Variants in TMEM88 observed in about 807,000 individuals in gnomAD.
TMEM88 encodes transmembrane protein 88.
TMEM88 carries 8 observed loss-of-function variants against 10.0 expected under a neutral mutation model. That is an observed-to-expected ratio of 0.80 (90% CI 0.47 to 1.44). The LOEUF is 1.44. Among genes scored for constraint, TMEM88 ranks in the 40% most tolerant of loss-of-function variants. TMEM88 has a pLI of 0.00. For synonymous variants in TMEM88, 139 were observed against 104.9 expected, an observed-to-expected ratio of 1.33 and a Z score of -1.99; for missense variants, 255 against 217.8, an observed-to-expected ratio of 1.17 and a Z score of -1.07.
Position 7,855,254 on chromosome 17 carries a change from G to T in TMEM88, c.180G>T (p.Met60Ile). The T allele has an allele frequency of 6.2e-7, 1 of 1,602,336 alleles. No individual in the cohort carries two copies. The highest frequency in any genetic ancestry group is 8.5e-7 in the Non-Finnish European group (1 of 1,175,144). ...CCATCTTGCTACCCGCTGTCACCAT[G>T]CTGGGCTTCGGCTTCCTCTGCCACT... ...LGTILLPAVT[M>I]LGFGFLCHSQ... Residue 60 changes from methionine to isoleucine, a missense_variant, in exon 1 of 2, where the codon ATG (methionine) becomes ATT (isoleucine). Transcript: ENST00000301599.
At position 7,855,448 on chromosome 17, in the gene TMEM88, C is replaced by T; in HGVS notation, c.214C>T (p.Leu72=). The T allele has an allele frequency of 6.2e-7, 1 of 1,603,696 alleles. No individual in the cohort carries two copies. Among genetic ancestry groups the T allele is most frequent in the Non-Finnish European group, 8.5e-7 (1 of 1,179,474 alleles). ...GFGFLCHSQF[L]RSQAPPCTAH... ...CCTGACGCCTCTTCTCCCACAGTTC[C>T]TGCGCTCCCAGGCACCCCCTTGCAC... The change falls in exon 2 of 2, where the codon CTG becomes TTG. Residue 72 remains leucine, a synonymous_variant. Transcript: ENST00000301599.
In TMEM88 at chr17:7,855,671, C is replaced by T; in HGVS notation, c.437C>T (p.Pro146Leu). The part of the protein sequence containing the change: ...APQPRQIRAS[P>L]GSQAVPTSGK... ...CAGCCGCGGCAAATCCGGGCCTCACCAGGGTCCCAGGCCGTTCCCACATCA... is the reference window on the plus strand; with the variant it reads ...CAGCCGCGGCAAATCCGGGCCTCACTAGGGTCCCAGGCCGTTCCCACATCA... The change falls in exon 2 of 2, where the codon CCA (proline) becomes CTA (leucine). Residue 146 changes from proline to leucine, a missense_variant. Physicochemically the swap from Pro to Leu is moderately conservative, Grantham distance 98. Transcript: ENST00000301599. 6.2e-7 allele frequency: 1 copy of T among 1,602,870 alleles called. No homozygotes were observed. Among genetic ancestry groups the T allele is most frequent in the Non-Finnish European group, 8.5e-7 (1 of 1,175,606 alleles).
Position 7,855,680 on chromosome 17 carries a change from A to G in TMEM88, c.446A>G (p.Gln149Arg). The change falls in exon 2 of 2, where the codon CAG becomes CGG. Residue 149 changes from glutamine to arginine, a missense_variant. By Grantham distance (43) the Gln-to-Arg change is conservative. Coordinates refer to ENST00000301599, the MANE Select transcript of TMEM88 (RefSeq NM_203411.2). ...PRQIRASPGS[Q>R]AVPTSGKVWV Reference sequence around the variant, plus strand: ...CAAATCCGGGCCTCACCAGGGTCCCAGGCCGTTCCCACATCAGGAAAGGTC... The same window carrying G: ...CAAATCCGGGCCTCACCAGGGTCCCGGGCCGTTCCCACATCAGGAAAGGTC... 1 of 1,597,312 alleles carries G rather than the reference A, an allele frequency of 6.3e-7. No homozygotes were observed.
rs1279413272 is a variant in TMEM88, at chr17:7,855,876, A to C, written c.*162A>C. 1.4e-6 allele frequency: 2 copies of C among 1,398,244 alleles called. No homozygotes were observed. The highest frequency in any genetic ancestry group is 1.9e-6 in the Non-Finnish European group (2 of 1,079,522). The allele number at this position is 1,398,244 out of a possible 1,614,324, so 86.6% of individuals were successfully genotyped here. ...AGCGTCAGTGGACCCAGTGCTGAGA[A>C]AAGCCCCCACATCCCGGAAAACCCA... On this transcript the variant is annotated 3_prime_UTR_variant, in exon 2 of 2. Coordinates refer to ENST00000301599, the MANE Select transcript of TMEM88 (RefSeq NM_203411.2).
In TMEM88 at chr17:7,855,617, G is replaced by A. The variant is rs777709892; in HGVS notation, c.383G>A (p.Arg128Gln). 38 of 1,609,074 alleles carry A rather than the reference G, an allele frequency of 2.4e-5. No homozygotes were observed. The highest frequency in any genetic ancestry group is 3.1e-5 in the Non-Finnish European group (37 of 1,179,826). The change falls in exon 2 of 2, where the codon CGA (arginine) becomes CAA (glutamine). Residue 128 changes from arginine to glutamine, a missense_variant. Arg to Gln is a conservative substitution (Grantham distance 43, BLOSUM62 1). Coordinates refer to ENST00000301599, the MANE Select transcript of TMEM88 (RefSeq NM_203411.2). Reference sequence around the variant, plus strand: ...GCCGATTGCCTCGTGCCCTACAGCCGAGCCCTTTATCGGCGTCGGCGCGCC... The same window carrying A: ...GCCGATTGCCTCGTGCCCTACAGCCAAGCCCTTTATCGGCGTCGGCGCGCC... ...RLADCLVPYSRALYRRRRAPQ... is the reference protein window; with the variant it reads ...RLADCLVPYSQALYRRRRAPQ...
chr17:7,855,887 A>G lies in TMEM88; in HGVS notation c.*173A>G, dbSNP rs1225779175. ...ACCCAGTGCTGAGAAAAGCCCCCAC[A>G]TCCCGGAAAACCCACTTTCCTTTCA... On this transcript the variant is annotated 3_prime_UTR_variant, in exon 2 of 2. Coordinates refer to ENST00000301599, the MANE Select transcript of TMEM88 (RefSeq NM_203411.2). 34 of 1,390,660 alleles carry G rather than the reference A, an allele frequency of 2.4e-5. No individual in the cohort carries two copies. The highest frequency in any genetic ancestry group is 3.1e-5 in the Non-Finnish European group (33 of 1,075,710). The allele number at this position is 1,390,660 out of a possible 1,614,324, so 86.1% of individuals were successfully genotyped here.
In TMEM88 at chr17:7,855,553, C is replaced by T; in HGVS notation, c.319C>T (p.Leu107=). The T allele has an allele frequency of 1.2e-6, 2 of 1,608,500 alleles. No individual in the cohort carries two copies. Among genetic ancestry groups the T allele is most frequent in the Non-Finnish European group, 1.7e-6 (2 of 1,179,882 alleles). ...LLLVPLLVLA[L]ASYRRLCLRL... is the part of the protein sequence containing the mutation. ...CCTCGTGCCGCTGCTCGTGCTTGCTCTGGCCAGCTACCGCCGCCTCTGCCT... is the reference window on the plus strand; with the variant it reads ...CCTCGTGCCGCTGCTCGTGCTTGCTTTGGCCAGCTACCGCCGCCTCTGCCT... The change falls in exon 2 of 2, where the codon CTG becomes TTG. Residue 107 remains leucine (L), a synonymous_variant. Transcript: ENST00000301599.
rs2078804037 is a variant in TMEM88, at chr17:7,855,972, C to T, written c.*258C>T. The T allele has an allele frequency of 5.4e-6, 7 of 1,288,074 alleles. No homozygotes were observed. The highest frequency in any genetic ancestry group is 5.9e-6 in the Non-Finnish European group (6 of 1,018,462). The allele number at this position is 1,288,074 out of a possible 1,614,324, so 79.8% of individuals were successfully genotyped here. ...AACCTGCACACCTCCCCCTCAGCTC[C>T]GTCGTGAATGGGACAACAATCTCGT... On this transcript the variant is annotated 3_prime_UTR_variant, in exon 2 of 2. Transcript: ENST00000301599.
In TMEM88 at chr17:7,855,725, G is replaced by A; in HGVS notation, c.*11G>A. 1.3e-6 allele frequency: 2 copies of A among 1,531,446 alleles called. No homozygotes were observed. Among genetic ancestry groups the A allele is most frequent in the South Asian group, 1.2e-5 (1 of 82,380 alleles). The allele number at this position is 1,531,446 out of a possible 1,614,324, so 94.9% of individuals were successfully genotyped here. On this transcript the variant is annotated 3_prime_UTR_variant, in exon 2 of 2. Transcript: ENST00000301599. ...AAGGTCTGGGTCTAATGACCCTCGA[G>A]TCAAGAACAACCCTGACGGCTGCCC...
chr17:7,855,442 C>T lies in TMEM88; in HGVS notation c.211-3C>T, dbSNP rs768787417. 1.9e-6 allele frequency: 3 copies of T among 1,602,704 alleles called. No homozygotes were observed. Among genetic ancestry groups the T allele is most frequent in the South Asian group, 2.2e-5 (2 of 90,986 alleles). On this transcript the variant is annotated splice_region_variant and splice_polypyrimidine_tract_variant and intron_variant, in intron 1 of 1. Coordinates refer to ENST00000301599, the MANE Select transcript of TMEM88 (RefSeq NM_203411.2). ...CTTGGGCCTGACGCCTCTTCTCCCA[C>T]AGTTCCTGCGCTCCCAGGCACCCCC...
chr17:7,855,375 G>A (rs947738488), intron 1 of TMEM88, 70 bp from the exon 2 acceptor site: 19 of 1,591,002 alleles, frequency 1.2e-5, no homozygotes, highest in Non-Finnish European at 1.4e-5. Flanking sequence ...ACTTCAACCC[G>A]CCTGGGCTGT....
At position 7,855,295 on chromosome 17, in the gene TMEM88, G is replaced by T. The variant is rs375966206; in HGVS notation, c.210+11G>T. On this transcript the variant is annotated intron_variant, in intron 1 of 1. Coordinates refer to ENST00000301599, the MANE Select transcript of TMEM88 (RefSeq NM_203411.2). ...CTCTGCCACTCTCAGGTGAGCGTGC[G>T]CCCCGGGGTGTGCGTGTGAGTGTGA... 6.3e-7 allele frequency: 1 copy of T among 1,589,968 alleles called. No individual in the cohort carries two copies. The highest frequency in any genetic ancestry group is 2.3e-5 in the East Asian group (1 of 44,114).
Position 7,855,477 on chromosome 17 carries a change from G to C in TMEM88, c.243G>C (p.Ala81=). The C allele has an allele frequency of 1.2e-6, 2 of 1,606,942 alleles. No homozygotes were observed. Among genetic ancestry groups the C allele is most frequent in the Middle Eastern group, 1.7e-4 (1 of 6,058 alleles). ...FLRSQAPPCT[A]HLRDPGFTAL... is the part of the protein sequence containing the mutation. ...GCTCCCAGGCACCCCCTTGCACCGC[G>C]CACCTGCGGGACCCCGGTTTCACGG... The change falls in exon 2 of 2, where the codon GCG becomes GCC. Residue 81 remains alanine (A), a synonymous_variant. Coordinates refer to ENST00000301599, the MANE Select transcript of TMEM88 (RefSeq NM_203411.2).
At position 7,855,615 on chromosome 17, in the gene TMEM88, C is replaced by G; in HGVS notation, c.381C>G (p.Ser127Arg). Residue 127 changes from serine to arginine, a missense_variant, in exon 2 of 2, where the codon AGC (serine) becomes AGG (arginine). Transcript: ENST00000301599. ...LRLADCLVPY[S>R]RALYRRRRAP... ...TAGCCGATTGCCTCGTGCCCTACAG[C>G]CGAGCCCTTTATCGGCGTCGGCGCG... is the stretch of plus-strand genomic sequence containing the variant. 6.2e-7 allele frequency: 1 copy of G among 1,608,850 alleles called. No homozygotes were observed.
chr17:7,855,456 C>T lies in TMEM88; in HGVS notation c.222C>T (p.Ser74=), dbSNP rs1293900163. The change falls in exon 2 of 2, where the codon TCC becomes TCT. Residue 74 remains serine (S), a synonymous_variant. Coordinates refer to ENST00000301599, the MANE Select transcript of TMEM88 (RefSeq NM_203411.2). ...CTCTTCTCCCACAGTTCCTGCGCTC[C>T]CAGGCACCCCCTTGCACCGCGCACC... The part of the protein sequence containing the change: ...GFLCHSQFLR[S]QAPPCTAHLR... 3 of 1,604,792 alleles carry T rather than the reference C, an allele frequency of 1.9e-6. No homozygotes were observed. Among genetic ancestry groups the T allele is most frequent in the African/African-American group, 1.3e-5 (1 of 74,918 alleles).
At position 7,855,991 on chromosome 17, in the gene TMEM88, A is replaced by C; in HGVS notation, c.*277A>C. ...CAGCTCCGTCGTGAATGGGACAACA[A>C]TCTCGTGCCCTCGTTTTATGGTGCA... is the stretch of plus-strand genomic sequence containing the variant. On this transcript the variant is annotated 3_prime_UTR_variant, in exon 2 of 2. Coordinates refer to ENST00000301599, the MANE Select transcript of TMEM88 (RefSeq NM_203411.2). 3.2e-6 allele frequency: 4 copies of C among 1,259,254 alleles called. No individual in the cohort carries two copies. The highest frequency in any genetic ancestry group is 3.0e-6 in the Non-Finnish European group (3 of 998,112). The allele number at this position is 1,259,254 out of a possible 1,614,324, so 78.0% of individuals were successfully genotyped here.
At position 7,855,158 on chromosome 17, in the gene TMEM88, T is replaced by A. The variant is rs765288258; in HGVS notation, c.84T>A (p.Ala28=). The A allele has an allele frequency of 2.0e-5, 32 of 1,611,950 alleles. No homozygotes were observed. The South Asian group carries it at 3.5e-4, about 18-fold the overall frequency. ...PRDPLDCWAC[A]VLVTAQNLLV... is the part of the protein sequence containing the mutation. ...ACCCCCTGGACTGTTGGGCCTGCGC[T>A]GTTCTTGTAACAGCCCAGAATCTGC... Residue 28 remains alanine (A), a synonymous_variant, in exon 1 of 2, where the codon GCT becomes GCA. Coordinates refer to ENST00000301599, the MANE Select transcript of TMEM88 (RefSeq NM_203411.2).
Position 7,855,610 on chromosome 17 carries a change from T to G in TMEM88, c.376T>G (p.Tyr126Asp). ...CCGCCTAGCCGATTGCCTCGTGCCCTACAGCCGAGCCCTTTATCGGCGTCG... is the reference window on the plus strand; with the variant it reads ...CCGCCTAGCCGATTGCCTCGTGCCCGACAGCCGAGCCCTTTATCGGCGTCG... ...RLRLADCLVP[Y>D]SRALYRRRRA... The change falls in exon 2 of 2, where the codon TAC (tyrosine) becomes GAC (aspartate). Residue 126 changes from tyrosine (Y) to aspartate (D), a missense_variant. By Grantham distance (160) the Tyr-to-Asp change is radical. Coordinates refer to ENST00000301599, the MANE Select transcript of TMEM88 (RefSeq NM_203411.2). The G allele has an allele frequency of 6.2e-7, 1 of 1,609,012 alleles. No individual in the cohort carries two copies. The highest frequency in any genetic ancestry group is 8.5e-7 in the Non-Finnish European group (1 of 1,179,856).
chr17:7,855,199 ATCT>A lies in TMEM88; in HGVS notation c.129_131del (p.Leu46del). 1 of 1,610,068 alleles carries A rather than the reference ATCT, an allele frequency of 6.2e-7. No homozygotes were observed. The highest frequency in any genetic ancestry group is 8.5e-7 in the Non-Finnish European group (1 of 1,178,648). The stretch of plus-strand genomic sequence containing the variant: ...CAGAATCTGCTGGTGGCTGCCTTCA[ATCT>A]TCTCCTGCTGGTGCTGGTGCTAGGG... On this transcript the variant is annotated inframe_deletion, in exon 1 of 2. Transcript: ENST00000301599.
Sources: gnomAD v4.1 joint callset for allele counts on GRCh38, gnomAD v4.1.1 for gene constraint, MANE v1.5 for transcripts, NCBI Gene and HGNC (gene_info 2026-07-23, HGNC 2026-07-21) for gene names.